MID2: variants seen among roughly 807,000 people sequenced by gnomAD.
MID2 encodes midline 2, also known as probable E3 ubiquitin-protein ligase MID2.
In MID2, 13 loss-of-function variants were observed where a neutral mutation model predicts 46.1. The ratio of observed to expected loss-of-function variants is 0.28; its 90% CI spans 0.18 to 0.45. The LOEUF is 0.45. Among genes scored for constraint, MID2 ranks in the 20% least tolerant of loss-of-function variants. The pLI, the probability that MID2 is intolerant of heterozygous loss-of-function variation, is 1.00. For synonymous variants in MID2, 199 were observed against 212.3 expected, an observed-to-expected ratio of 0.94 and a Z score of 0.55; for missense variants, 431 against 575.4, an observed-to-expected ratio of 0.75 and a Z score of 2.57.
intron 5 of MID2, among the ~76,000 whole-genome samples, chrX:107,914,551 T>C (rs57908841): frequency 0.019 from 2,094 of 112,201 alleles, 52 homozygotes; most frequent in African/African-American, 0.063. Context: ...TTACAACTAG[T>C]TCACCATAAA....
At chrX:107,890,290 G>A (rs1174881318) in intron 3 of MID2, among the ~76,000 whole-genome samples, 6 of 111,832 alleles carry the variant, frequency 5.4e-5, no homozygotes, top group African/African-American at 2.0e-4. Context: ...GTACAGATGG[G>A]GTTTTGGTGT....
intron 3 of MID2, among the ~76,000 whole-genome samples, chrX:107,896,812 TCACACACACACA>T (rs755737344): frequency 9.3e-6 from 1 of 107,536 alleles, no homozygotes; most frequent in Non-Finnish European, 1.9e-5. Context: ...TCTCTCTCTC[TCACACACACACA>T]CACACACGCA....
intron 1 of MID2, among the ~76,000 whole-genome samples, chrX:107,839,886 A>G (rs1301447430): frequency 8.9e-6 from 1 of 112,330 alleles, no homozygotes; most frequent in African/African-American, 3.2e-5. Flanking sequence ...AGGCAATATG[A>G]CTTTATTATT....
chrX:107,854,274 T>C (rs1374192118), intron 2 of MID2, among the ~76,000 whole-genome samples: 1 of 112,300 alleles, frequency 8.9e-6, no homozygotes, highest in African/African-American at 3.2e-5. Context: ...GTTCTTCATA[T>C]GCTGTGGGAT....
chrX:107,829,324 G>T (rs1931038963), intron 1 of MID2, among the ~76,000 whole-genome samples: 2 of 111,939 alleles, frequency 1.8e-5, no homozygotes, highest in African/African-American at 3.3e-5. Context: ...CCTAAATCTG[G>T]TTTTTCTCCA....
At chrX:107,871,861 A>G (rs773821157) in intron 3 of MID2, among the ~76,000 whole-genome samples, 2 of 111,042 alleles carry the variant, frequency 1.8e-5, no homozygotes, top group Admixed American at 1.9e-4. Flanking sequence ...TGGGGTTTTT[A>G]TGGGCACAGG....
chrX:107,864,319 C>T lies in MID2; in HGVS notation c.816+9615C>T, dbSNP rs747872442. 7.1e-5 allele frequency among the ~76,000 whole-genome samples: 8 copies of T among 112,174 alleles called. No individual in the cohort carries two copies. The South Asian group carries it at 3.0e-3, about 42-fold the overall frequency. ...TTGGCCTACCTTTAATAGCCCAGAGCAGCTCTCCATATTCTGACAGCCCTT... is the reference window on the plus strand; with the variant it reads ...TTGGCCTACCTTTAATAGCCCAGAGTAGCTCTCCATATTCTGACAGCCCTT... On this transcript the variant is annotated intron_variant, in intron 3 of 9. Coordinates refer to ENST00000262843, the MANE Select transcript of MID2 (RefSeq NM_012216.4).
intron 5 of MID2, among the ~76,000 whole-genome samples, chrX:107,914,975 T>C (rs745521807): frequency 8.9e-6 from 1 of 112,226 alleles, no homozygotes; most frequent in South Asian, 3.8e-4. Flanking sequence ...TACTACATAG[T>C]GTTATGGTAA....
chrX:107,837,745 T>G (rs1383721992), intron 1 of MID2, among the ~76,000 whole-genome samples: 1 of 111,429 alleles, frequency 9.0e-6, no homozygotes, highest in Non-Finnish European at 1.9e-5. Context: ...GTTGATTTAT[T>G]TAATGATTCT....
rs1031710861 is a variant in MID2 at position 107,840,602 on chromosome X, T to C, written c.5-68T>C. The C allele has an allele frequency of 3.5e-6, 3 of 860,759 alleles. No homozygotes were observed. In the African/African-American group the frequency reaches 6.0e-5, roughly 17 times the overall value. The allele number at this position is 860,759 out of a possible 1,213,427, so 70.9% of individuals were successfully genotyped here. On this transcript the variant is annotated intron_variant, in intron 1 of 9. Transcript: ENST00000262843. ...GCACGTAAACGCGCCCATTGGTTAGTGTATAATTGTGTTATATCCATTTTC... is the reference window on the plus strand; with the variant it reads ...GCACGTAAACGCGCCCATTGGTTAGCGTATAATTGTGTTATATCCATTTTC...
chrX:107,871,808 C>G (rs1381883635), intron 3 of MID2, among the ~76,000 whole-genome samples: 1 of 111,345 alleles, frequency 9.0e-6, no homozygotes, highest in African/African-American at 3.3e-5. Context: ...ACCATAGTCC[C>G]CAATGTCCAG....
At chrX:107,852,072 A>G (rs1236707449) in intron 2 of MID2, among the ~76,000 whole-genome samples, 3 of 110,834 alleles carry the variant, frequency 2.7e-5, no homozygotes, top group Non-Finnish European at 5.7e-5. Flanking sequence ...TTATATTTTT[A>G]GTAGAGAAGA....
intron 3 of MID2, among the ~76,000 whole-genome samples, chrX:107,880,207 A>G (rs920256597): frequency 2.4e-4 from 26 of 109,174 alleles, no homozygotes; most frequent in African/African-American, 8.3e-4. Flanking sequence ...CATGATCTCA[A>G]CTCACTGCAA....
At chrX:107,831,283 C>T (rs1226298479) in intron 1 of MID2, among the ~76,000 whole-genome samples, 1 of 111,585 alleles carries the variant, frequency 9.0e-6, no homozygotes, top group Non-Finnish European at 1.9e-5. Flanking sequence ...GGTCAGACTC[C>T]GCTGGTTGAT....
chrX:107,898,274 A>G (rs1000877793), intron 3 of MID2, among the ~76,000 whole-genome samples: 16 of 112,273 alleles, frequency 1.4e-4, no homozygotes, highest in African/African-American at 5.2e-4. Flanking sequence ...CCTTGTTTCT[A>G]GCCTTGTTTG....
chrX:107,888,231 A>G (rs1042928363), intron 3 of MID2, among the ~76,000 whole-genome samples: 1 of 111,918 alleles, frequency 8.9e-6, no homozygotes, highest in African/African-American at 3.3e-5. Flanking sequence ...TGTCAATTTC[A>G]GATCTTTCCT....
intron 5 of MID2, among the ~76,000 whole-genome samples, chrX:107,909,097 A>G (rs1602501028): frequency 9.0e-6 from 1 of 111,531 alleles, no homozygotes; most frequent in East Asian, 2.8e-4. Context: ...GGGATGCTGT[A>G]TATTTTTGTA....
rs984808453 is a variant in MID2 at position 107,926,310 on chromosome X, A to G, written c.1805+9A>G. ...ATGGGTTCCTCAACATGGTGAGTGGATCCCATTTTCCTTTTCTTTTCTGTC... is the reference window on the plus strand; with the variant it reads ...ATGGGTTCCTCAACATGGTGAGTGGGTCCCATTTTCCTTTTCTTTTCTGTC... On this transcript the variant is annotated intron_variant, in intron 9 of 9. Transcript: ENST00000262843. The G allele has an allele frequency of 1.7e-6, 2 of 1,184,067 alleles. No homozygotes were observed. Among genetic ancestry groups the G allele is most frequent in the South Asian group, 1.8e-5 (1 of 55,021 alleles).
intron 3 of MID2, among the ~76,000 whole-genome samples, chrX:107,896,551 T>A (rs1932738359): frequency 8.9e-6 from 1 of 112,448 alleles, no homozygotes; most frequent in Admixed American, 9.4e-5. Flanking sequence ...GTCCTCACGC[T>A]CTGTCTCCAT....
Sources: allele counts gnomAD v4.1 joint callset (sites outside exome capture counted in the v4.1 genomes callset), GRCh38; gene constraint gnomAD v4.1.1; transcripts MANE v1.5; gene names NCBI Gene and HGNC (gene_info 2026-07-23, HGNC 2026-07-21).